The following INTS6 variants were observed in gnomAD, a reference collection of about 807,000 sequenced individuals.
INTS6 encodes integrator complex subunit 6, also known as DEAD box protein.
INTS6 carries 16 observed loss-of-function variants against 104.9 expected under a neutral mutation model. The ratio of observed to expected loss-of-function variants is 0.15; its 90% CI spans 0.10 to 0.23. The LOEUF (loss-of-function observed/expected upper bound fraction) is 0.23, where lower values mean the gene tolerates loss of function less well. Ranked by LOEUF, INTS6 falls within the 10% of genes least tolerant of loss-of-function variation. INTS6 has a pLI of 1.00. For synonymous variants in INTS6, 324 were observed against 358.7 expected (o/e 0.90, Z 1.09); for missense variants, 584 against 1,062.8 (o/e 0.55, Z 6.26).
At chr13:51,405,305 A>T (rs17195020) in intron 4 of INTS6, among the ~76,000 whole-genome samples, 17,907 of 152,204 alleles carry the variant, frequency 0.12, 1,318 homozygotes, top group South Asian at 0.21. Context: ...GGATTTTAAT[A>T]TAGGGAGATA....
chr13:51,384,996 T>G (rs932626023), intron 7 of INTS6: 10 of 207,638 alleles, frequency 4.8e-5, no homozygotes, highest in Admixed American at 1.1e-4. Context: ...TCGGTAAAAG[T>G]AACAGCCAAT....
intron 5 of INTS6, among the ~76,000 whole-genome samples, chr13:51,395,002 A>C (rs1956309980): frequency 6.6e-6 from 1 of 152,216 alleles, no homozygotes; most frequent in African/African-American, 2.4e-5. Context: ...TGGTACTTCT[A>C]AATCATTGGC....
At chr13:51,376,914 C>T (rs1593676115) in intron 12 of INTS6, among the ~76,000 whole-genome samples, 1 of 152,124 alleles carries the variant, frequency 6.6e-6, no homozygotes, top group Non-Finnish European at 1.5e-5. Context: ...AAAATGCTGC[C>T]ATGTTGGCAT....
intron 3 of INTS6, chr13:51,441,807 G>C (rs1266303683): frequency 6.8e-6 from 1 of 147,058 alleles, no homozygotes; most frequent in Non-Finnish European, 1.5e-5. Flanking sequence ...ACGTCCCCAG[G>C]CCTCCCCACC....
chr13:51,449,123 T>C (rs1701410186), intron 3 of INTS6: 1 of 152,246 alleles, frequency 6.6e-6, no homozygotes, highest in Non-Finnish European at 1.5e-5. Context: ...CATTTTCATT[T>C]GAAAACAGTG....
intron 3 of INTS6, chr13:51,447,796 C>A (rs938128476): frequency 5.4e-5 from 8 of 149,498 alleles, no homozygotes; most frequent in African/African-American, 7.4e-5. Flanking sequence ...CTGTGGCTCA[C>A]GCCTGTAATC....
chr13:51,440,669 G>A (rs1254098744), intron 3 of INTS6: 2 of 152,162 alleles, frequency 1.3e-5, no homozygotes, highest in Non-Finnish European at 1.5e-5. Context: ...ACACATGAAT[G>A]CTTGTAAGTG....
chr13:51,383,476 C>G lies in INTS6; in HGVS notation c.1048-15G>C. 2 of 1,608,428 alleles carry G rather than the reference C, an allele frequency of 1.2e-6. No homozygotes were observed. Among genetic ancestry groups the G allele is most frequent in the African/African-American group, 1.3e-5 (1 of 74,704 alleles). ...CTCACGTACACCTGTTAAAAAGGAG[C>G]GGTTAAAACTTTAATAACCTTTAAA... On this transcript the variant is annotated splice_polypyrimidine_tract_variant and intron_variant, in intron 8 of 17. Transcript: ENST00000311234.
At chr13:51,346,853 A>G in the INTS6 span, among the ~76,000 whole-genome samples, 1 of 152,248 alleles carries the variant, frequency 6.6e-6, no homozygotes, top group Non-Finnish European at 1.5e-5. Flanking sequence ...AGGGAATTAA[A>G]TATTCTTAAG....
Position 51,452,129 on chromosome 13 carries a change from G to C in INTS6, c.112-74C>G, listed in dbSNP as rs1211788280. 8.1e-5 allele frequency: 112 copies of C among 1,391,018 alleles called. No homozygotes were observed. Among genetic ancestry groups the C allele is most frequent in the Non-Finnish European group, 1.1e-4 (107 of 996,530 alleles). The allele number at this position is 1,391,018 out of a possible 1,614,324, so 86.2% of individuals were successfully genotyped here. On this transcript the variant is annotated intron_variant, in intron 1 of 17. Coordinates refer to ENST00000311234, the MANE Select transcript of INTS6 (RefSeq NM_012141.3). This position sits in a 1 kb window ranked among gnomAD's most constrained non-coding sequence, Gnocchi z 4.2. ...CGAGGTTACGAGGCGGAGAAGGGGC[G>C]CCCAGCGGCCCCGCCGCCCCCACAG...
At chr13:51,420,631 A>T (rs1007373055) in intron 4 of INTS6, among the ~76,000 whole-genome samples, 1 of 152,044 alleles carries the variant, frequency 6.6e-6, no homozygotes, top group Non-Finnish European at 1.5e-5. Flanking sequence ...ATGTTTTTTT[A>T]AAAAAGGTTA....
chr13:51,392,071 C>T (rs999183487), intron 5 of INTS6, among the ~76,000 whole-genome samples: 1 of 152,134 alleles, frequency 6.6e-6, no homozygotes, highest in African/African-American at 2.4e-5. Context: ...ATTAAGCCAC[C>T]TCTCAGGACC....
chr13:51,387,555 T>G lies in INTS6; in HGVS notation c.740-15A>C. On this transcript the variant is annotated splice_polypyrimidine_tract_variant and intron_variant, in intron 6 of 17. Transcript: ENST00000311234. ...TGGCTGCCCATCTATAGCAAAGAAA[T>G]TAAGACAAAGAAAGCATATATCATA... 1 of 1,598,086 alleles carries G rather than the reference T, an allele frequency of 6.3e-7. No individual in the cohort carries two copies. The highest frequency in any genetic ancestry group is 8.5e-7 in the Non-Finnish European group (1 of 1,172,052).
chr13:51,401,583 TAATAAC>T (rs1956441396), intron 4 of INTS6, among the ~76,000 whole-genome samples: 1 of 152,178 alleles, frequency 6.6e-6, no homozygotes, highest in South Asian at 2.1e-4. Flanking sequence ...ATATAGCCAT[TAATAAC>T]AATAATACTT....
At chr13:51,392,136 G>C (rs1023033324) in intron 5 of INTS6, among the ~76,000 whole-genome samples, 16 of 152,112 alleles carry the variant, frequency 1.1e-4, no homozygotes, top group Admixed American at 4.6e-4. Context: ...TTTCATTCTT[G>C]CCACTCTATA....
Position 51,387,551 on chromosome 13 carries a change from G to C in INTS6, c.740-11C>G, listed in dbSNP as rs781331514. The C allele has an allele frequency of 6.3e-7, 1 of 1,599,654 alleles. No homozygotes were observed. The highest frequency in any genetic ancestry group is 1.3e-5 in the African/African-American group (1 of 74,344). Reference sequence around the variant, plus strand: ...TATCTGGCTGCCCATCTATAGCAAAGAAATTAAGACAAAGAAAGCATATAT... The same window carrying C: ...TATCTGGCTGCCCATCTATAGCAAACAAATTAAGACAAAGAAAGCATATAT... On this transcript the variant is annotated splice_polypyrimidine_tract_variant and intron_variant, in intron 6 of 17. Coordinates refer to ENST00000311234, the MANE Select transcript of INTS6 (RefSeq NM_012141.3).
At chr13:51,450,437 G>A in intron 3 of INTS6, 2 of 985,410 alleles carry the variant, frequency 2.0e-6, no homozygotes, top group Non-Finnish European at 2.4e-6. Context: ...AGGGTTTGGA[G>A]TTTAAATCAA....
At chr13:51,340,283 T>C in the INTS6 span, among the ~76,000 whole-genome samples, 2 of 152,232 alleles carry the variant, frequency 1.3e-5, no homozygotes, top group Non-Finnish European at 2.9e-5. Flanking sequence ...TTTTTTACTT[T>C]GCCTTTCTCT....
intron 15 of INTS6, among the ~76,000 whole-genome samples, chr13:51,370,606 G>C (rs982054994): frequency 6.6e-6 from 1 of 152,314 alleles, no homozygotes; most frequent in Non-Finnish European, 1.5e-5. Context: ...TGGCAAGCTA[G>C]GCAGGAGAAG....
Sources: gnomAD v4.1 joint callset for allele counts (sites outside exome capture counted in the v4.1 genomes callset) on GRCh38, gnomAD v4.1.1 for gene constraint, Gnocchi (gnomAD v3.1) non-coding constraint, MANE v1.5 for transcripts, NCBI Gene and HGNC (gene_info 2026-07-23, HGNC 2026-07-21) for gene names.